IL18RAP: variants seen among roughly 807,000 people sequenced by gnomAD.
The protein encoded by IL18RAP is interleukin 18 receptor accessory protein, also known as interleukin-18 receptor accessory protein.
In IL18RAP, 37 loss-of-function variants were observed where a neutral mutation model predicts 58.1. The ratio of observed to expected loss-of-function variants is 0.64; its 90% CI spans 0.49 to 0.84. The LOEUF is 0.84. IL18RAP is among the 40% of genes least tolerant of loss of function. The probability of loss-of-function intolerance (pLI) is 0.00; values close to 1 mark genes in which losing one functional copy is unlikely to be tolerated. For missense variants in IL18RAP, 667 were observed against 704.8 expected (o/e 0.95, Z 0.61); for synonymous variants, 268 against 257.5 (o/e 1.04, Z -0.39).
In IL18RAP at chr2:102,452,286, G is replaced by T; in HGVS notation, c.*105G>T. The T allele has an allele frequency of 8.8e-7, 1 of 1,138,132 alleles. No individual in the cohort carries two copies. The highest frequency in any genetic ancestry group is 2.4e-5 in the East Asian group (1 of 41,554). The allele number at this position is 1,138,132 out of a possible 1,614,324, so 70.5% of individuals were successfully genotyped here. A position where few individuals can be genotyped will look rare whatever the true frequency, so the allele number is the denominator to read the frequency against. ...TGTTCAGGCTGATAGGAAATTCAAA[G>T]AGTCTCCTGCCAGCACCAAGCAAGC... On this transcript the variant is annotated 3_prime_UTR_variant, in exon 10 of 10. Transcript: ENST00000687160.
At chr2:102,436,826 T>C (rs1682777429) in intron 3 of IL18RAP, among the ~76,000 whole-genome samples, 1 of 141,698 alleles carries the variant, frequency 7.1e-6, no homozygotes, top group Admixed American at 6.9e-5. Flanking sequence ...TGTGTATATA[T>C]ATATATGTAT....
At chr2:102,445,425 G>A (rs1202023940) in intron 7 of IL18RAP, 85 bp downstream of exon 7, 1 of 1,335,656 alleles carries the variant, frequency 7.5e-7, no homozygotes, top group African/African-American at 1.5e-5. Flanking sequence ...TAATAATGAT[G>A]ACAGCGATTA....
intron 3 of IL18RAP, among the ~76,000 whole-genome samples, chr2:102,436,983 G>A (rs1365120949): frequency 2.0e-5 from 3 of 152,034 alleles, no homozygotes; most frequent in African/African-American, 4.8e-5. Context: ...AGGTTTGGAG[G>A]TTTGACTCTC....
chr2:102,427,087 C>T (rs1238269908), intron 3 of IL18RAP, among the ~76,000 whole-genome samples: 1 of 152,070 alleles, frequency 6.6e-6, no homozygotes, highest in African/African-American at 2.4e-5. Context: ...ATTGAATTTC[C>T]TTTTGTAAAG....
At chr2:102,437,006 A>G (rs1350918042) in intron 3 of IL18RAP, among the ~76,000 whole-genome samples, 1 of 152,190 alleles carries the variant, frequency 6.6e-6, no homozygotes, top group Non-Finnish European at 1.5e-5. Flanking sequence ...ATCTCTACAC[A>G]TAATGCAATT....
intron 3 of IL18RAP, among the ~76,000 whole-genome samples, chr2:102,427,143 C>T (rs1437469560): frequency 6.6e-6 from 1 of 152,086 alleles, no homozygotes; most frequent in Non-Finnish European, 1.5e-5. Context: ...TTTCTTTGTC[C>T]ATTCCTCTGT....
chr2:102,441,127 G>A (rs1321544571), intron 4 of IL18RAP, among the ~76,000 whole-genome samples, 185 bp from the exon 5 acceptor site: 2 of 152,204 alleles, frequency 1.3e-5, no homozygotes, highest in Non-Finnish European at 2.9e-5. Context: ...ACCTGATGTG[G>A]CAGTCATTTT....
intron 3 of IL18RAP, chr2:102,435,402 T>A (rs780379477): frequency 6.6e-6 from 1 of 152,174 alleles, no homozygotes; most frequent in Non-Finnish European, 1.5e-5. Context: ...GTAAAATAGA[T>A]GAGTAGCATA....
chr2:102,440,290 A>C (rs1162302604), intron 4 of IL18RAP: 1 of 152,400 alleles, frequency 6.6e-6, no homozygotes, highest in Admixed American at 6.5e-5. Flanking sequence ...TGGAACCAAA[A>C]GAAGAGAGGG....
intron 4 of IL18RAP, chr2:102,440,437 C>G (rs533395064): frequency 9.2e-5 from 14 of 152,196 alleles, no homozygotes; most frequent in African/African-American, 3.4e-4. Flanking sequence ...GGACAGATGG[C>G]GGCGGAAATC....
At chr2:102,441,250 C>T in intron 4 of IL18RAP, 62 bp from the exon 5 acceptor site, 1 of 1,294,300 alleles carries the variant, frequency 7.7e-7, no homozygotes, top group South Asian at 1.2e-5. Flanking sequence ...GCACCTAAAT[C>T]TTCATCAAGC....
At chr2:102,450,713 T>G (rs1432447599) in intron 8 of IL18RAP, 135 bp from the exon 9 acceptor site, 2 of 512,490 alleles carry the variant, frequency 3.9e-6, no homozygotes, top group African/African-American at 4.0e-5. Flanking sequence ...AATGAATTTT[T>G]AAAATCAATT....
intron 3 of IL18RAP, 45 bp downstream of exon 3, chr2:102,424,459 TG>T (rs1681804827): frequency 6.6e-7 from 1 of 1,524,010 alleles, no homozygotes; most frequent in Non-Finnish European, 9.0e-7. Context: ...ATTGTTTTTA[TG>T]GTATCTTCTT....
At chr2:102,450,728 C>A in intron 8 of IL18RAP, 120 bp from the exon 9 acceptor site, 1 of 546,972 alleles carries the variant, frequency 1.8e-6, no homozygotes, top group Non-Finnish European at 2.9e-6. Context: ...TCAATTTAGT[C>A]AGGATCCCAA....
chr2:102,441,394 C>A lies in IL18RAP; in HGVS notation c.796+17C>A. ...TAGAACTTGGTAAGCTGGGCCTCATCGCCTTTGAATGACATCGTGCTGCTG... is the reference window on the plus strand; with the variant it reads ...TAGAACTTGGTAAGCTGGGCCTCATAGCCTTTGAATGACATCGTGCTGCTG... On this transcript the variant is annotated intron_variant, in intron 5 of 9. Coordinates refer to ENST00000687160, the MANE Select transcript of IL18RAP (RefSeq NM_001393487.1). 6.2e-7 allele frequency: 1 copy of A among 1,604,216 alleles called. No homozygotes were observed. Among genetic ancestry groups the A allele is most frequent in the South Asian group, 1.1e-5 (1 of 90,888 alleles).
At chr2:102,441,039 G>A (rs1427929718) in intron 4 of IL18RAP, among the ~76,000 whole-genome samples, 2 of 152,128 alleles carry the variant, frequency 1.3e-5, no homozygotes, top group East Asian at 3.9e-4. Flanking sequence ...GGTCTGCAAG[G>A]GGCAGGATTA....
intron 3 of IL18RAP, among the ~76,000 whole-genome samples, chr2:102,435,892 A>G (rs983782332): frequency 6.8e-6 from 1 of 147,506 alleles, no homozygotes; most frequent in African/African-American, 2.5e-5. Flanking sequence ...ACTTACGGAC[A>G]TTATTCATTC....
chr2:102,450,143 T>C (rs1573307059), intron 8 of IL18RAP, among the ~76,000 whole-genome samples: 1 of 152,374 alleles, frequency 6.6e-6, no homozygotes, highest in East Asian at 1.9e-4. Flanking sequence ...AGTGTTGGGA[T>C]TTTCTACTTC....
At chr2:102,430,670 T>A (rs2104319178) in intron 3 of IL18RAP, among the ~76,000 whole-genome samples, 1 of 152,256 alleles carries the variant, frequency 6.6e-6, no homozygotes, top group Admixed American at 6.5e-5. Context: ...GATGGCTTTC[T>A]TTGGTGCTAT....
Sources: allele counts gnomAD v4.1 joint callset (sites outside exome capture counted in the v4.1 genomes callset), GRCh38; gene constraint gnomAD v4.1.1; transcripts MANE v1.5; gene names NCBI Gene and HGNC (gene_info 2026-07-23, HGNC 2026-07-21).